Variants in HPSE2 observed in about 807,000 individuals in gnomAD.
The protein encoded by HPSE2 is inactive heparanase-2.
Under a neutral mutation model 60.5 loss-of-function variants are expected in HPSE2, and 38 were observed. That is an observed-to-expected ratio of 0.63 (90% CI 0.48 to 0.82). The LOEUF (loss-of-function observed/expected upper bound fraction) is 0.82, where lower values mean the gene tolerates loss of function less well. Among genes scored for constraint, HPSE2 ranks in the 40% least tolerant of loss-of-function variants. The pLI, the probability that HPSE2 is intolerant of heterozygous loss-of-function variation, is 0.00. For missense variants in HPSE2, 713 were observed against 740.4 expected (o/e 0.96, Z 0.43); for synonymous variants, 295 against 293.2 (o/e 1.01, Z -0.06).
intron 11 of HPSE2, among the ~76,000 whole-genome samples, chr10:98,466,201 G>A (rs75000997): frequency 0.018 from 2,795 of 152,338 alleles, 78 homozygotes; most frequent in African/African-American, 0.064. Flanking sequence ...AGTCTGGCAA[G>A]AGGGGATCTT....
the HPSE2 span, among the ~76,000 whole-genome samples, chr10:99,289,603 A>G: frequency 6.6e-6 from 1 of 152,200 alleles, no homozygotes; most frequent in African/African-American, 2.4e-5. Context: ...ATTATTTCAT[A>G]TAAAAGTTAA....
At chr10:99,217,288 A>G (rs1364089816) in intron 2 of HPSE2, among the ~76,000 whole-genome samples, 1 of 149,862 alleles carries the variant, frequency 6.7e-6, no homozygotes, top group East Asian at 2.0e-4. Flanking sequence ...GAAGTTTGTT[A>G]GAAATTCGGC....
chr10:99,181,038 A>G (rs1418746054), intron 2 of HPSE2, among the ~76,000 whole-genome samples: 1 of 152,160 alleles, frequency 6.6e-6, no homozygotes, highest in Non-Finnish European at 1.5e-5. Flanking sequence ...TAGAACCAGA[A>G]ATACCATTTA....
In HPSE2 at chr10:98,822,110, G is replaced by A. The variant is rs140639881; in HGVS notation, c.611-78054C>T. 3.6e-3 allele frequency among the ~76,000 whole-genome samples: 554 copies of A among 152,194 alleles called. 3 individuals carry two copies. Among genetic ancestry groups the A allele is most frequent in the African/African-American group, 0.013 (535 of 41,512 alleles). Reference sequence around the variant, plus strand: ...AATGACATATCAGATGACTAACTGGGCAACTGATAAATTTTATAAAGCAGT... The same window carrying A: ...AATGACATATCAGATGACTAACTGGACAACTGATAAATTTTATAAAGCAGT... On this transcript the variant is annotated intron_variant, in intron 3 of 11. Coordinates refer to ENST00000370552, the MANE Select transcript of HPSE2 (RefSeq NM_021828.5).
intron 9 of HPSE2, among the ~76,000 whole-genome samples, chr10:98,511,611 T>C (rs866282056): frequency 4.6e-4 from 70 of 150,556 alleles, no homozygotes; most frequent in Middle Eastern, 3.4e-3. Context: ...TGTGTGTGTG[T>C]GCGCACGTGT....
rs10883104 is a variant in HPSE2 at position 98,461,509 on chromosome 10, T to C, written c.1614-1770A>G. Among the ~76,000 whole-genome samples the C allele has an allele frequency of 0.25, 38,427 of 152,130 alleles. 5,358 individuals carry two copies. Among genetic ancestry groups the C allele is most frequent in the Non-Finnish European group, 0.32 (21,734 of 67,974 alleles). On this transcript the variant is annotated intron_variant, in intron 11 of 11. Coordinates refer to ENST00000370552, the MANE Select transcript of HPSE2 (RefSeq NM_021828.5). Reference sequence around the variant, plus strand: ...CTCTGTAGTGAAGACAGCCTACTCATTGGAGTGGAAGGCAGGGTGAGGAGA... The same window carrying C: ...CTCTGTAGTGAAGACAGCCTACTCACTGGAGTGGAAGGCAGGGTGAGGAGA...
intron 3 of HPSE2, among the ~76,000 whole-genome samples, chr10:99,140,935 G>A (rs1443533741): frequency 1.3e-5 from 2 of 152,150 alleles, no homozygotes; most frequent in African/African-American, 4.8e-5. Context: ...TACTCCGGAG[G>A]CTGAGGCAGA....
chr10:98,855,113 C>A (rs1192669655), intron 3 of HPSE2, among the ~76,000 whole-genome samples: 1 of 152,176 alleles, frequency 6.6e-6, no homozygotes, highest in Admixed American at 6.5e-5. Context: ...GAAGAAATAC[C>A]TGCACTTGCA....
chr10:99,268,055 G>C, the HPSE2 span, among the ~76,000 whole-genome samples: 1 of 152,178 alleles, frequency 6.6e-6, no homozygotes, highest in Non-Finnish European at 1.5e-5. Context: ...TGAGGCAAGA[G>C]TACCAGGTAA....
intron 2 of HPSE2, among the ~76,000 whole-genome samples, chr10:99,180,183 T>C (rs757767410): frequency 2.0e-5 from 3 of 152,314 alleles, no homozygotes; most frequent in African/African-American, 2.4e-5. Flanking sequence ...GGCAATACCA[T>C]TCAGGACATA....
intron 8 of HPSE2, among the ~76,000 whole-genome samples, chr10:98,618,051 C>G (rs12243125): frequency 3.3e-5 from 5 of 152,112 alleles, no homozygotes; most frequent in African/African-American, 7.2e-5. Flanking sequence ...TACTCCCCCC[C>G]GCCACGACAG....
At chr10:98,497,604 A>G (rs1194590041) in intron 9 of HPSE2, among the ~76,000 whole-genome samples, 1 of 152,064 alleles carries the variant, frequency 6.6e-6, no homozygotes, top group Non-Finnish European at 1.5e-5. Flanking sequence ...ATATTTATTT[A>G]AAGCATTTTT....
chr10:99,083,806 C>T (rs1843224197), intron 3 of HPSE2, among the ~76,000 whole-genome samples: 1 of 151,562 alleles, frequency 6.6e-6, no homozygotes, highest in Non-Finnish European at 1.5e-5. Flanking sequence ...GCTTTTGGTG[C>T]CAATAACAGA....
At chr10:99,114,235 C>A (rs1844584852) in intron 3 of HPSE2, among the ~76,000 whole-genome samples, 1 of 152,194 alleles carries the variant, frequency 6.6e-6, no homozygotes. Context: ...TGACCTTGGA[C>A]AGCACTTAAC....
the HPSE2 span, among the ~76,000 whole-genome samples, chr10:99,255,595 C>CA: frequency 6.8e-6 from 1 of 147,372 alleles, no homozygotes; most frequent in Non-Finnish European, 1.5e-5. Flanking sequence ...CACACACACA[C>CA]GACTACAATA....
intron 3 of HPSE2, among the ~76,000 whole-genome samples, chr10:99,065,243 A>G: frequency 6.6e-6 from 1 of 152,170 alleles, no homozygotes; most frequent in South Asian, 2.1e-4. Context: ...AACTGTGTTA[A>G]GCTCAGAGGC....
intron 2 of HPSE2, among the ~76,000 whole-genome samples, chr10:99,189,800 G>A (rs966304194): frequency 1.1e-4 from 16 of 152,100 alleles, no homozygotes; most frequent in African/African-American, 2.4e-4. Context: ...TCTCTTATGC[G>A]TCCATTTTGA....
At chr10:98,567,216 A>C (rs2133888778) in intron 9 of HPSE2, among the ~76,000 whole-genome samples, 1 of 152,320 alleles carries the variant, frequency 6.6e-6, no homozygotes, top group South Asian at 2.1e-4. Flanking sequence ...AGACAGGATG[A>C]GGTGTAAGGC....
intron 3 of HPSE2, among the ~76,000 whole-genome samples, chr10:98,861,241 T>C (rs188466217): frequency 1.1e-4 from 17 of 152,204 alleles, no homozygotes; most frequent in African/African-American, 3.9e-4. Flanking sequence ...AGAAATTATC[T>C]TGTTTATACA....
Sources: allele counts gnomAD v4.1 joint callset (sites outside exome capture counted in the v4.1 genomes callset), GRCh38; gene constraint gnomAD v4.1.1; transcripts MANE v1.5; gene names NCBI Gene and HGNC (gene_info 2026-07-23, HGNC 2026-07-21).